The following CNTN5 variants were observed in gnomAD, a reference collection of about 807,000 sequenced individuals.
CNTN5 encodes the protein contactin-5.
A neutral mutation model predicts 129.1 loss-of-function variants in CNTN5; 77 were observed. The ratio of observed to expected loss-of-function variants is 0.60; its 90% CI spans 0.50 to 0.72. The LOEUF is 0.72. Among genes scored for constraint, CNTN5 ranks in the 30% least tolerant of loss-of-function variants. CNTN5 has a pLI of 0.00. For synonymous variants in CNTN5, 509 were observed against 465.6 expected (o/e 1.09, Z -1.20); for missense variants, 1,478 against 1,328.8 (o/e 1.11, Z -1.75).
chr11:100,183,289 T>C (rs1948195568), intron 13 of CNTN5, among the ~76,000 whole-genome samples: 1 of 152,110 alleles, frequency 6.6e-6, no homozygotes, highest in African/African-American at 2.4e-5. Context: ...ATAGAAGACT[T>C]GTGCACAAAT....
chr11:99,533,941 C>T (rs544511115), intron 2 of CNTN5, among the ~76,000 whole-genome samples: 1 of 152,220 alleles, frequency 6.6e-6, no homozygotes, highest in African/African-American at 2.4e-5. Context: ...GAGATTAGAC[C>T]TGGGGATGCT....
At chr11:99,754,571 C>A (rs1944349380) in intron 3 of CNTN5, among the ~76,000 whole-genome samples, 2 of 152,154 alleles carry the variant, frequency 1.3e-5, no homozygotes, top group Non-Finnish European at 2.9e-5. Flanking sequence ...TTATAAGGAT[C>A]ATATTTTGTT....
Position 99,138,298 on chromosome 11 carries a change from C to T in CNTN5, c.-210+117028C>T, listed in dbSNP as rs114914582. On this transcript the variant is annotated intron_variant, in intron 1 of 24. Coordinates refer to ENST00000524871, the MANE Select transcript of CNTN5 (RefSeq NM_014361.4). ...CCTTTTCTTATTGTACATTCTATTG[C>T]AGGTATAAATCGTCCTATATGGATG... is the stretch of plus-strand genomic sequence containing the variant. Among the ~76,000 whole-genome samples the T allele has an allele frequency of 8.4e-3, 1,283 of 152,094 alleles. 21 individuals are homozygous for T. The highest frequency in any genetic ancestry group is 0.029 in the African/African-American group (1,191 of 41,488).
At chr11:99,977,021 A>C (rs1938019556) in intron 8 of CNTN5, among the ~76,000 whole-genome samples, 1 of 152,248 alleles carries the variant, frequency 6.6e-6, no homozygotes, top group African/African-American at 2.4e-5. Context: ...TTTTAAAAAC[A>C]GCCAGGTCAC....
chr11:99,689,883 G>C (rs1299767316), intron 3 of CNTN5, among the ~76,000 whole-genome samples: 1 of 152,046 alleles, frequency 6.6e-6, no homozygotes, highest in Non-Finnish European at 1.5e-5. Flanking sequence ...TAGGTTGTTT[G>C]ATCACTGTGT....
At chr11:99,408,993 A>G (rs1274012326) in intron 2 of CNTN5, among the ~76,000 whole-genome samples, 2 of 152,214 alleles carry the variant, frequency 1.3e-5, no homozygotes, top group African/African-American at 4.8e-5. Flanking sequence ...GTGATTTTCA[A>G]CAGTCAGCCT....
At chr11:99,578,054 C>A (rs1000654601) in intron 3 of CNTN5, among the ~76,000 whole-genome samples, 3 of 149,476 alleles carry the variant, frequency 2.0e-5, no homozygotes, top group Non-Finnish European at 4.4e-5. Flanking sequence ...GTTCAATTCC[C>A]ATCTATGAGT....
chr11:99,799,414 G>A (rs1248149054), intron 3 of CNTN5, among the ~76,000 whole-genome samples: 1 of 151,812 alleles, frequency 6.6e-6, no homozygotes, highest in African/African-American at 2.4e-5. Flanking sequence ...TTATCTTGAT[G>A]TATGTTCATT....
intron 9 of CNTN5, among the ~76,000 whole-genome samples, chr11:100,016,716 T>A (rs1408675336): frequency 6.6e-6 from 1 of 152,056 alleles, no homozygotes; most frequent in Non-Finnish European, 1.5e-5. Flanking sequence ...TAAGCATGTT[T>A]ATGTATGCAC....
At chr11:99,168,818 G>A (rs569590387) in intron 1 of CNTN5, among the ~76,000 whole-genome samples, 2 of 152,180 alleles carry the variant, frequency 1.3e-5, no homozygotes, top group South Asian at 4.1e-4. Context: ...TATGGAAGAA[G>A]AAGAAATAGA....
chr11:99,962,761 T>G (rs1186411842), intron 8 of CNTN5, among the ~76,000 whole-genome samples: 40 of 151,776 alleles, frequency 2.6e-4, no homozygotes, highest in African/African-American at 9.2e-4. Context: ...TGAAGTAGTT[T>G]ACATTCCCAC....
At chr11:99,837,691 A>C (rs2135653391) in intron 4 of CNTN5, among the ~76,000 whole-genome samples, 1 of 151,802 alleles carries the variant, frequency 6.6e-6, no homozygotes, top group South Asian at 2.1e-4. Context: ...GAGTAAAAAA[A>C]AAAAAAAAAA....
At chr11:100,125,516 T>C (rs1946155831) in intron 13 of CNTN5, among the ~76,000 whole-genome samples, 4 of 152,092 alleles carry the variant, frequency 2.6e-5, no homozygotes, top group Admixed American at 2.6e-4. Context: ...TATGGCTGTG[T>C]AGTAGTCCAT....
At chr11:99,616,798 A>C (rs954428849) in intron 3 of CNTN5, among the ~76,000 whole-genome samples, 2 of 152,184 alleles carry the variant, frequency 1.3e-5, no homozygotes, top group Non-Finnish European at 2.9e-5. Context: ...AATTAAGGAA[A>C]GCATAGGTCC....
intron 9 of CNTN5, among the ~76,000 whole-genome samples, chr11:100,044,167 CAT>C (rs1942533273): frequency 4.5e-5 from 2 of 44,248 alleles, no homozygotes; most frequent in African/African-American, 2.2e-4. Context: ...TATTACATAT[CAT>C]GTATATATAT....
intron 7 of CNTN5, among the ~76,000 whole-genome samples, chr11:99,922,347 A>C (rs1949960533): frequency 6.6e-6 from 1 of 152,234 alleles, no homozygotes; most frequent in South Asian, 2.1e-4. Context: ...GCTACAAGTC[A>C]AGATGAGATT....
At chr11:100,107,341 CTT>C (rs1945477576) in intron 13 of CNTN5, among the ~76,000 whole-genome samples, 1 of 151,964 alleles carries the variant, frequency 6.6e-6, no homozygotes, top group African/African-American at 2.4e-5. Context: ...TAATTTCTAA[CTT>C]AGCATGAGGT....
intron 3 of CNTN5, among the ~76,000 whole-genome samples, chr11:99,796,522 G>T (rs569252329): frequency 6.6e-6 from 1 of 152,196 alleles, no homozygotes. Flanking sequence ...CCGATGGTCA[G>T]GTGCAGTCTG....
rs540265554 is a variant in CNTN5 at position 99,948,591 on chromosome 11, C to G, written c.674-8215C>G. Among the ~76,000 whole-genome samples the G allele has an allele frequency of 1.4e-3, 208 of 152,300 alleles. 1 individual carries two copies. Among genetic ancestry groups the G allele is most frequent in the Non-Finnish European group, 2.4e-3 (160 of 68,036 alleles). ...GTAAACATTTGAAACCACTATTCAC[C>G]AGGTTTCCTTTTCTCTTTTCAAATA... On this transcript the variant is annotated intron_variant, in intron 7 of 24. Coordinates refer to ENST00000524871, the MANE Select transcript of CNTN5 (RefSeq NM_014361.4).
Sources: allele counts gnomAD v4.1 joint callset (sites outside exome capture counted in the v4.1 genomes callset), GRCh38; gene constraint gnomAD v4.1.1; transcripts MANE v1.5; gene names NCBI Gene and HGNC (gene_info 2026-07-23, HGNC 2026-07-21).